AK7: variants seen among roughly 807,000 people sequenced by gnomAD.
The protein encoded by AK7 is adenylate kinase 7.
A neutral mutation model predicts 96.6 loss-of-function variants in AK7; 78 were observed. The ratio of observed to expected loss-of-function variants is 0.81; its 90% CI spans 0.67 to 0.97. The LOEUF is 0.97. Among genes scored for constraint, AK7 ranks in the 50% least tolerant of loss-of-function variants. The pLI, the probability that AK7 is intolerant of heterozygous loss-of-function variation, is 0.00. For missense variants in AK7, 855 were observed against 887.9 expected (o/e 0.96, Z 0.47); for synonymous variants, 302 against 317.2 (o/e 0.95, Z 0.51).
At chr14:96,431,147 C>G (rs1892326592) in intron 5 of AK7, among the ~76,000 whole-genome samples, 1 of 152,072 alleles carries the variant, frequency 6.6e-6, no homozygotes, top group Admixed American at 6.6e-5. Flanking sequence ...ATTCTTCTCT[C>G]TTTTCTTCTT....
intron 5 of AK7, among the ~76,000 whole-genome samples, chr14:96,432,202 CTTTTT>C (rs71103525): frequency 9.9e-6 from 1 of 101,194 alleles, no homozygotes; most frequent in Non-Finnish European, 1.9e-5. Flanking sequence ...GCAACCCCTG[CTTTTT>C]TTTTTTTTTT....
At chr14:96,411,325 C>T (rs1891014591) in intron 4 of AK7, among the ~76,000 whole-genome samples, 1 of 152,110 alleles carries the variant, frequency 6.6e-6, no homozygotes, top group Non-Finnish European at 1.5e-5. Flanking sequence ...GCCTGGTCAA[C>T]ATGGTGAAAC....
chr14:96,482,934 A>C, intron 15 of AK7, 65 bp from the exon 16 acceptor site: 1 of 1,511,146 alleles, frequency 6.6e-7, no homozygotes, highest in Non-Finnish European at 9.1e-7. Context: ...GTAATAAAGA[A>C]TTTTCCCAAT....
chr14:96,483,719 C>T (rs1016712270), intron 16 of AK7, among the ~76,000 whole-genome samples: 32 of 152,220 alleles, frequency 2.1e-4, no homozygotes, highest in African/African-American at 7.2e-4. Flanking sequence ...AGCCACCATG[C>T]CCAGCTTGCT....
intron 13 of AK7, among the ~76,000 whole-genome samples, chr14:96,472,393 G>T (rs1234139701): frequency 6.6e-6 from 1 of 152,224 alleles, no homozygotes; most frequent in East Asian, 1.9e-4. Flanking sequence ...GGCTTCAGGT[G>T]ATCCTACTGC....
chr14:96,398,409 A>G, intron 2 of AK7, 146 bp downstream of exon 2: 1 of 795,208 alleles, frequency 1.3e-6, no homozygotes, highest in Non-Finnish European at 2.0e-6. Flanking sequence ...TTCTCCTGTA[A>G]TGGAGATTTA....
intron 10 of AK7, among the ~76,000 whole-genome samples, chr14:96,454,461 T>A (rs1353710203): frequency 3.9e-5 from 6 of 151,918 alleles, no homozygotes; most frequent in Non-Finnish European, 1.5e-5. Flanking sequence ...TTAATGAGTA[T>A]GTTTTTAAAA....
chr14:96,483,192 A>G lies in AK7; in HGVS notation c.1947A>G (p.Ala649=). Residue 649 remains alanine (A), a synonymous_variant, in exon 16 of 18, where the codon GCA becomes GCG. Transcript: ENST00000267584. The part of the protein sequence containing the change: ...EREHQEAVEM[A]EKIARWEEWN... ...AGCACCAGGAGGCCGTGGAGATGGC[A>G]GAGAAGATAGCTCGCTGGGAGGAGT... The G allele has an allele frequency of 6.2e-7, 1 of 1,609,994 alleles. No individual in the cohort carries two copies. The highest frequency in any genetic ancestry group is 8.5e-7 in the Non-Finnish European group (1 of 1,178,306).
intron 11 of AK7, among the ~76,000 whole-genome samples, chr14:96,457,423 T>G (rs1893994642): frequency 6.6e-6 from 1 of 152,212 alleles, no homozygotes; most frequent in Admixed American, 6.5e-5. Flanking sequence ...TTTTTAGTTT[T>G]ATAATAAACA....
chr14:96,477,912 G>A (rs552328318), intron 14 of AK7, among the ~76,000 whole-genome samples: 8 of 152,302 alleles, frequency 5.3e-5, no homozygotes, highest in African/African-American at 1.7e-4. Context: ...GCCAGGAGCC[G>A]TGGCTTATCC....
chr14:96,477,878 G>C (rs1453675311), intron 14 of AK7, among the ~76,000 whole-genome samples: 1 of 152,168 alleles, frequency 6.6e-6, no homozygotes, highest in Non-Finnish European at 1.5e-5. Context: ...TGTGATAATT[G>C]TGCTGGATAG....
chr14:96,471,469 T>C lies in AK7; in HGVS notation c.1358-9T>C. 7.2e-7 allele frequency: 1 copy of C among 1,383,696 alleles called. No homozygotes were observed. The allele number at this position is 1,383,696 out of a possible 1,614,324, so 85.7% of individuals were successfully genotyped here. The stretch of plus-strand genomic sequence containing the variant: ...ATAAGTAATATATACATATATGTTT[T>C]TTTATCAGGTCAACTAGACGATCAA... On this transcript the variant is annotated splice_polypyrimidine_tract_variant and intron_variant, in intron 12 of 17. Transcript: ENST00000267584.
Position 96,458,168 on chromosome 14 carries a change from AG to A in AK7, c.1315del (p.Glu439SerfsTer3), listed in dbSNP as rs1894041568. The A allele has an allele frequency of 2.5e-6, 4 of 1,614,100 alleles. No homozygotes were observed. Among genetic ancestry groups the A allele is most frequent in the Non-Finnish European group, 3.4e-6 (4 of 1,179,974 alleles). On this transcript the variant is annotated frameshift_variant, in exon 12 of 18. Coordinates refer to ENST00000267584, the MANE Select transcript of AK7 (RefSeq NM_152327.5). LOFTEE classifies it high-confidence loss of function. ...GAGGAGGAGAATGTGGAAGATGCAC[AG>A]GAGCTCCTAGATGGCATCAAGGAGA... Reference protein sequence around the residue: ...EEEEENVEDAQELLDGIKESM... With the variant: ...EEEEENVEDAXELLDGIKESM...
rs1655683614 is a variant in AK7 at position 96,420,903 on chromosome 14, G to A, written c.580G>A (p.Glu194Lys). 1 of 1,612,630 alleles carries A rather than the reference G, an allele frequency of 6.2e-7. No individual in the cohort carries two copies. The highest frequency in any genetic ancestry group is 8.5e-7 in the Non-Finnish European group (1 of 1,178,888). Residue 194 changes from glutamate (E) to lysine (K), a missense_variant, in exon 5 of 18, where the codon GAA becomes AAA. Glu to Lys is a moderately conservative substitution (Grantham distance 56). Coordinates refer to ENST00000267584, the MANE Select transcript of AK7 (RefSeq NM_152327.5). ...HPNFLDHINA[E>K]KMVLKFGKKA... ...TAATTTTCTGGACCACATAAATGCT[G>A]AAAAAATGGTTCTCAAATTTGGAAA...
chr14:96,414,894 A>G (rs995274521), intron 4 of AK7, among the ~76,000 whole-genome samples: 4 of 151,380 alleles, frequency 2.6e-5, no homozygotes, highest in South Asian at 2.1e-4. Context: ...CTGGGACTAC[A>G]GGCACCTGCC....
chr14:96,470,690 C>A (rs964742373), intron 12 of AK7, among the ~76,000 whole-genome samples: 2 of 152,120 alleles, frequency 1.3e-5, no homozygotes, highest in African/African-American at 4.8e-5. Context: ...GAGAAAAGTG[C>A]CTTTGAGGGT....
intron 1 of AK7, among the ~76,000 whole-genome samples, 173 bp from the exon 2 acceptor site, chr14:96,397,902 C>T (rs983306001): frequency 1.3e-5 from 2 of 152,168 alleles, no homozygotes; most frequent in Admixed American, 1.3e-4. Context: ...TAACAGTACC[C>T]ACTCCTCCAG....
intron 4 of AK7, 152 bp downstream of exon 4, chr14:96,409,093 A>G: frequency 1.4e-6 from 1 of 734,910 alleles, no homozygotes; most frequent in Non-Finnish European, 2.2e-6. Flanking sequence ...ACTGACTCTA[A>G]GCACATTCAA....
At chr14:96,438,280 G>A (rs1307326294) in intron 6 of AK7, among the ~76,000 whole-genome samples, 3 of 152,128 alleles carry the variant, frequency 2.0e-5, no homozygotes, top group East Asian at 1.9e-4. Context: ...TAAGCAAGCC[G>A]GTAAATGTTG....
Sources: gnomAD v4.1 joint callset for allele counts (sites outside exome capture counted in the v4.1 genomes callset) on GRCh38, gnomAD v4.1.1 for gene constraint, MANE v1.5 for transcripts, NCBI Gene and HGNC (gene_info 2026-07-23, HGNC 2026-07-21) for gene names.